Variants in TMEM135 observed in about 807,000 individuals in gnomAD.
The protein encoded by TMEM135 is peroxisomal membrane protein 52.
A neutral mutation model predicts 60.3 loss-of-function variants in TMEM135; 30 were observed. That is an observed-to-expected ratio of 0.50 (90% CI 0.37 to 0.68). TMEM135 has a LOEUF of 0.68. Ranked by LOEUF, TMEM135 falls within the 30% of genes least tolerant of loss-of-function variation. The pLI is 0.00. For synonymous variants in TMEM135, 190 were observed against 186.7 expected (o/e 1.02, Z -0.14); for missense variants, 468 against 548.8 (o/e 0.85, Z 1.47).
At chr11:87,123,459 C>A (rs1454835568) in intron 4 of TMEM135, among the ~76,000 whole-genome samples, 1 of 152,150 alleles carries the variant, frequency 6.6e-6, no homozygotes, top group Non-Finnish European at 1.5e-5. Context: ...TATAAAGACA[C>A]CTGTCATTGG....
intron 5 of TMEM135, among the ~76,000 whole-genome samples, chr11:87,198,885 CTA>C (rs930377462): frequency 3.4e-5 from 5 of 148,386 alleles, no homozygotes; most frequent in Non-Finnish European, 7.6e-5. Context: ...ATATTGTCTT[CTA>C]TGTCTTTTTT....
At chr11:87,187,421 G>A (rs1939679369) in intron 5 of TMEM135, among the ~76,000 whole-genome samples, 1 of 152,174 alleles carries the variant, frequency 6.6e-6, no homozygotes, top group Admixed American at 6.5e-5. Flanking sequence ...TATTGTGGTT[G>A]AGTTGGAACA....
At chr11:87,122,783 A>G (rs1004746795) in intron 4 of TMEM135, among the ~76,000 whole-genome samples, 11 of 152,242 alleles carry the variant, frequency 7.2e-5, no homozygotes, top group African/African-American at 1.7e-4. Flanking sequence ...TTTTAAATCT[A>G]TCCGGCTATT....
At chr11:87,302,162 T>C in intron 7 of TMEM135, 134 bp from the exon 8 acceptor site, 1 of 953,124 alleles carries the variant, frequency 1.0e-6, no homozygotes, top group East Asian at 2.7e-5. Context: ...TTTGATTTTA[T>C]GTAAATTGTG....
intron 4 of TMEM135, chr11:87,121,128 G>C (rs1389208684): frequency 6.6e-6 from 1 of 152,148 alleles, no homozygotes; most frequent in Non-Finnish European, 1.5e-5. Context: ...CATTCTTGAA[G>C]GATGAGCAAG....
chr11:87,176,304 T>G (rs1939366444), intron 5 of TMEM135, among the ~76,000 whole-genome samples: 2 of 152,140 alleles, frequency 1.3e-5, no homozygotes, highest in Admixed American at 1.3e-4. Flanking sequence ...TGTCTTCACA[T>G]GCCGGCTCCC....
rs1230221974 is a variant in TMEM135 at position 87,320,923 on chromosome 11, G to C, written c.1245-278G>C. Among the ~76,000 whole-genome samples the C allele has an allele frequency of 2.6e-5, 4 of 152,084 alleles. No homozygotes were observed. The East Asian group carries it at 7.7e-4, about 29-fold the overall frequency. ...ATACAGTCTAGTGGAAAGAATTCTA[G>C]AAGGGTTTAAAATAATGGTTGTAAT... is the stretch of plus-strand genomic sequence containing the variant. On this transcript the variant is annotated intron_variant, in intron 14 of 14. Transcript: ENST00000305494.
chr11:87,160,459 G>A (rs1176079510), intron 5 of TMEM135, among the ~76,000 whole-genome samples: 1 of 152,182 alleles, frequency 6.6e-6, no homozygotes, highest in Non-Finnish European at 1.5e-5. Flanking sequence ...GCTCAGAGAA[G>A]TTAAACATTT....
intron 1 of TMEM135, among the ~76,000 whole-genome samples, chr11:87,040,574 A>G (rs1161995882): frequency 6.6e-6 from 1 of 151,950 alleles, no homozygotes; most frequent in Non-Finnish European, 1.5e-5. Context: ...AGGCAGGAAA[A>G]TCACTTGAAC....
intron 4 of TMEM135, among the ~76,000 whole-genome samples, chr11:87,138,526 T>TA (rs1938172009): frequency 1.3e-5 from 2 of 152,248 alleles, no homozygotes; most frequent in African/African-American, 4.8e-5. Flanking sequence ...AATAAGCACT[T>TA]ACTTGACATA....
intron 5 of TMEM135, among the ~76,000 whole-genome samples, chr11:87,175,644 C>A (rs888287179): frequency 1.3e-5 from 2 of 152,054 alleles, no homozygotes; most frequent in African/African-American, 2.4e-5. Context: ...TTTTATTTTT[C>A]AAAAATTAGA....
intron 2 of TMEM135, among the ~76,000 whole-genome samples, chr11:87,069,238 A>G (rs2135139119): frequency 7.4e-6 from 1 of 135,376 alleles, no homozygotes; most frequent in East Asian, 2.5e-4. Flanking sequence ...GTGAGCCGAG[A>G]TTGCACCATG....
intron 5 of TMEM135, among the ~76,000 whole-genome samples, chr11:87,214,844 G>A (rs1196730617): frequency 6.6e-6 from 1 of 152,104 alleles, no homozygotes; most frequent in Non-Finnish European, 1.5e-5. Flanking sequence ...AGCAGCCAAA[G>A]TATGCATATT....
intron 5 of TMEM135, among the ~76,000 whole-genome samples, chr11:87,213,880 A>G (rs1223729772): frequency 6.6e-6 from 1 of 152,212 alleles, no homozygotes; most frequent in Non-Finnish European, 1.5e-5. Context: ...CATATCCATT[A>G]TCTTGTTCTC....
intron 4 of TMEM135, among the ~76,000 whole-genome samples, chr11:87,112,214 GTGTTAAATCATTTTA>G (rs1283342066): frequency 4.6e-5 from 7 of 152,148 alleles, no homozygotes; most frequent in Non-Finnish European, 8.8e-5. Context: ...GTACACGTCT[GTGTTAAATCATTTTA>G]TGTGACTTTG....
At chr11:87,267,342 T>G (rs1941771311) in intron 6 of TMEM135, among the ~76,000 whole-genome samples, 1 of 152,116 alleles carries the variant, frequency 6.6e-6, no homozygotes. Context: ...TCCTAAATGA[T>G]AAGTAGGAAG....
intron 5 of TMEM135, among the ~76,000 whole-genome samples, chr11:87,199,701 A>G (rs1940049808): frequency 6.6e-6 from 1 of 152,064 alleles, no homozygotes; most frequent in Non-Finnish European, 1.5e-5. Context: ...AGGCCGAGGC[A>G]GGCGTATCAC....
At chr11:87,115,267 A>G (rs578099611) in intron 4 of TMEM135, among the ~76,000 whole-genome samples, 12 of 152,294 alleles carry the variant, frequency 7.9e-5, no homozygotes, top group African/African-American at 2.6e-4. Flanking sequence ...CATATTATTA[A>G]CATCTCTTTA....
Position 87,176,904 on chromosome 11 carries a change from T to C in TMEM135, c.462+19498T>C, listed in dbSNP as rs78762753. ...GGAAAGCTCAAGGGTTAAAAAACAG[T>C]GCATCCCATGCATATAACAACTTTC... On this transcript the variant is annotated intron_variant, in intron 5 of 14. Coordinates refer to ENST00000305494, the MANE Select transcript of TMEM135 (RefSeq NM_022918.4). 2.0e-5 allele frequency among the ~76,000 whole-genome samples: 3 copies of C among 152,174 alleles called. No homozygotes were observed. In the East Asian group the frequency reaches 5.8e-4, roughly 29 times the overall value.
Sources: gnomAD v4.1 joint callset for allele counts (sites outside exome capture counted in the v4.1 genomes callset) on GRCh38, gnomAD v4.1.1 for gene constraint, MANE v1.5 for transcripts, NCBI Gene and HGNC (gene_info 2026-07-23, HGNC 2026-07-21) for gene names.